Variants in ZBTB25 observed in about 807,000 individuals in gnomAD.
The protein encoded by ZBTB25 is zinc finger and BTB domain-containing protein 25.
Under a neutral mutation model 34.2 loss-of-function variants are expected in ZBTB25, and 20 were observed. The ratio of observed to expected loss-of-function variants is 0.58; its 90% CI spans 0.41 to 0.85. The LOEUF (loss-of-function observed/expected upper bound fraction) is 0.85, where lower values mean the gene tolerates loss of function less well. ZBTB25 is among the 40% of genes least tolerant of loss of function. The probability of loss-of-function intolerance (pLI) is 0.00; values close to 1 mark genes in which losing one functional copy is unlikely to be tolerated. For missense variants in ZBTB25, 437 were observed against 521.8 expected, an observed-to-expected ratio of 0.84 and a Z score of 1.58; for synonymous variants, 175 against 186.4, an observed-to-expected ratio of 0.94 and a Z score of 0.50.
At chr14:64,469,433 A>G in intron 2 of ZBTB25, 1 of 1,613,236 alleles carries the variant, frequency 6.2e-7, no homozygotes, top group Middle Eastern at 1.7e-4. Flanking sequence ...AGACACTGAA[A>G]TCAGTGAATT....
At chr14:64,449,643 A>T in intron 2 of ZBTB25, 2 of 1,612,370 alleles carry the variant, frequency 1.2e-6, no homozygotes, top group Non-Finnish European at 1.7e-6. Flanking sequence ...TGCTGTCTGC[A>T]AAAAAAGAAA....
intron 2 of ZBTB25, chr14:64,462,642 T>C (rs540983276): frequency 1.3e-5 from 2 of 152,320 alleles, no homozygotes; most frequent in South Asian, 2.1e-4. Context: ...TCAGAGGCTG[T>C]TTCTGTGCAC....
At chr14:64,463,707 G>C (rs1020601457) in intron 2 of ZBTB25, among the ~76,000 whole-genome samples, 1 of 151,666 alleles carries the variant, frequency 6.6e-6, no homozygotes, top group Non-Finnish European at 1.5e-5. Context: ...TGAGGTGGGA[G>C]GATTGCTTGA....
In ZBTB25 at chr14:64,458,625, G is replaced by A. The variant is rs146224757; in HGVS notation, c.174-8987C>T. On this transcript the variant is annotated intron_variant, in intron 2 of 2. Coordinates refer to the ZBTB25 transcript ENST00000555220. ...TAGACTCCCTCTGCTGAAGCCCCAG[G>A]AGGCTTGGGGTTCAGAGTTGATGAC... is the stretch of plus-strand genomic sequence containing the variant. 1.1e-3 allele frequency: 427 copies of A among 404,482 alleles called. 1 individual carries two copies. The highest frequency in any genetic ancestry group is 1.8e-3 in the Non-Finnish European group (383 of 215,072). The allele number at this position is 404,482 out of a possible 1,614,324, so 25.1% of individuals were successfully genotyped here. A position where few individuals can be genotyped will look rare whatever the true frequency, so the allele number is the denominator to read the frequency against.
intron 2 of ZBTB25, chr14:64,449,743 A>G: frequency 2.6e-6 from 3 of 1,164,316 alleles, no homozygotes; most frequent in Non-Finnish European, 3.7e-6. Flanking sequence ...TTTGATTCCC[A>G]CGTAGGTGAC....
intron 2 of ZBTB25, chr14:64,468,776 C>G: frequency 6.2e-7 from 1 of 1,614,176 alleles, no homozygotes; most frequent in Non-Finnish European, 8.5e-7. Flanking sequence ...ACTTAAGATT[C>G]CCTGCATAAA....
chr14:64,472,826 T>G (rs1274163091), intron 2 of ZBTB25: 1 of 167,040 alleles, frequency 6.0e-6, no homozygotes, highest in East Asian at 1.9e-4. Context: ...TATGCAAACG[T>G]TAAGTGAATA....
chr14:64,467,119 T>C (rs2141002278), intron 2 of ZBTB25: 1 of 152,338 alleles, frequency 6.6e-6, no homozygotes, highest in South Asian at 2.1e-4. Flanking sequence ...TTTTTACTAA[T>C]GAAACACTGC....
downstream of ZBTB25, chr14:64,474,157 G>T (rs2078700135): frequency 6.0e-6 from 1 of 167,116 alleles, no homozygotes; most frequent in African/African-American, 2.4e-5. Flanking sequence ...GGCACAGAGG[G>T]GAGTACACAG....
Position 64,502,067 on chromosome 14 carries a change from C to T in ZBTB25, c.-8+1594G>A, listed in dbSNP as rs144542506. Among the ~76,000 whole-genome samples, 295 of 152,342 alleles carry T rather than the reference C, an allele frequency of 1.9e-3. 1 individual carries two copies. Among genetic ancestry groups the T allele is most frequent in the African/African-American group, 6.7e-3 (278 of 41,582 alleles). On this transcript the variant is annotated intron_variant, in intron 1 of 2. Coordinates refer to ENST00000608382, the MANE Select transcript of ZBTB25 (RefSeq NM_006977.5). ...ACAGCCCAGGTAATGAGCCTGTTTC[C>T]TCAGGCTTGTAACATGAAGACAGTA...
intron 2 of ZBTB25, among the ~76,000 whole-genome samples, chr14:64,489,604 C>T (rs919482403): frequency 6.6e-6 from 1 of 150,860 alleles, no homozygotes; most frequent in Non-Finnish European, 1.5e-5. Context: ...GGCGCGATCT[C>T]GGCTCACTGC....
chr14:64,476,090 CT>C (rs1278566916), downstream of ZBTB25, among the ~76,000 whole-genome samples: 2 of 152,202 alleles, frequency 1.3e-5, 1 homozygote, highest in Non-Finnish European at 2.9e-5. Context: ...GTACCCGAAC[CT>C]TTTATTCCCA....
In ZBTB25 at chr14:64,486,576, G is replaced by T; in HGVS notation, c.*347C>A. 1.1e-6 allele frequency: 1 copy of T among 940,174 alleles called. No homozygotes were observed. The highest frequency in any genetic ancestry group is 1.3e-6 in the Non-Finnish European group (1 of 782,702). 58.2% of individuals were successfully genotyped at this position (940,174 alleles called of 1,614,324 possible). A position where few individuals can be genotyped will look rare whatever the true frequency, so the allele number is the denominator to read the frequency against. On this transcript the variant is annotated 3_prime_UTR_variant, in exon 3 of 3. Transcript: ENST00000608382. ...ATAGTTTAGAATATGCTTTAAAACA[G>T]ATTTCATTTACTTTATATTCAATTT...
At position 64,480,463 on chromosome 14, in the gene ZBTB25, C is replaced by T. The variant is rs8003790; in HGVS notation, c.*6460G>A. On this transcript the variant is annotated 3_prime_UTR_variant, in exon 3 of 3. Coordinates refer to ENST00000608382, the MANE Select transcript of ZBTB25 (RefSeq NM_006977.5). ...ATTTTCGATTAACACAGATTATGGT[C>T]GGTAAGAATTAGGTCCACAAATGCA... 0.53 allele frequency: 166,217 copies of T among 315,252 alleles called. 46,027 individuals are homozygous for T. Among genetic ancestry groups the T allele is most frequent in the African/African-American group, 0.77 (34,115 of 44,302 alleles). 19.5% of individuals were successfully genotyped at this position (315,252 alleles called of 1,614,324 possible).
chr14:64,473,607 A>G (rs975058262), downstream of ZBTB25: 8 of 167,120 alleles, frequency 4.8e-5, no homozygotes, highest in African/African-American at 1.9e-4. Context: ...TTTATAGTTA[A>G]GAATGTTTTT....
At chr14:64,498,759 G>A (rs538108028) in intron 1 of ZBTB25, among the ~76,000 whole-genome samples, 2 of 152,012 alleles carry the variant, frequency 1.3e-5, no homozygotes, top group East Asian at 1.9e-4. Flanking sequence ...TCAGCCTCCC[G>A]AGTAGCTGGG....
chr14:64,500,623 C>T (rs10873173), intron 1 of ZBTB25, among the ~76,000 whole-genome samples: 34,920 of 151,752 alleles, frequency 0.23, 4,658 homozygotes, highest in Non-Finnish European at 0.31. Flanking sequence ...ATGGTGAAAC[C>T]GTCTCTACTA....
At chr14:64,470,868 A>T (rs948543481) in intron 2 of ZBTB25, 7 of 167,016 alleles carry the variant, frequency 4.2e-5, no homozygotes, top group African/African-American at 1.7e-4. Flanking sequence ...ATCTTGCAGA[A>T]TTACTTCTTT....
chr14:64,476,114 G>A (rs1424515956), downstream of ZBTB25, among the ~76,000 whole-genome samples: 1 of 152,152 alleles, frequency 6.6e-6, no homozygotes, highest in Non-Finnish European at 1.5e-5. Context: ...TCCCTACTCT[G>A]ACAGGTCACA....
Sources: gnomAD v4.1 joint callset for allele counts (sites outside exome capture counted in the v4.1 genomes callset) on GRCh38, gnomAD v4.1.1 for gene constraint, MANE v1.5 for transcripts, NCBI Gene and HGNC (gene_info 2026-07-23, HGNC 2026-07-21) for gene names.